GRIP1: variants seen among roughly 807,000 people sequenced by gnomAD.
The protein encoded by GRIP1 is glutamate receptor-interacting protein 1.
Under a neutral mutation model 129.9 loss-of-function variants are expected in GRIP1, and 45 were observed. The observed-to-expected ratio is 0.35, with a 90% CI of 0.27 to 0.44. GRIP1 has a LOEUF of 0.44. Ranked by LOEUF, GRIP1 falls within the 20% of genes least tolerant of loss-of-function variation. GRIP1 has a pLI of 1.00. For synonymous variants in GRIP1, 530 were observed against 520.8 expected (o/e 1.02, Z -0.24); for missense variants, 1,196 against 1,396.8 (o/e 0.86, Z 2.29).
upstream of GRIP1, among the ~76,000 whole-genome samples, chr12:66,681,510 A>G (rs1212889773): frequency 6.6e-6 from 1 of 152,184 alleles, no homozygotes; most frequent in African/African-American, 2.4e-5. Context: ...AACATGAGCT[A>G]CTACAAGGCA....
At chr12:66,640,613 T>C (rs1257252670) in intron 1 of GRIP1, among the ~76,000 whole-genome samples, 6 of 152,310 alleles carry the variant, frequency 3.9e-5, no homozygotes, top group South Asian at 2.1e-4. Context: ...TCAACAGTTA[T>C]GATTTTTCAT....
At position 66,377,200 on chromosome 12, in the gene GRIP1, G is replaced by C; in HGVS notation, c.2707C>G (p.Gln903Glu). ...TCCAGTTCTCTCAGAATTCCTGACT[G>C]TCCGCAGGTTTCCAAATCCTCCAGC... ...QALEDLETCG[Q>E]SGILRELEEK... Residue 903 changes from glutamine to glutamate, a missense_variant, in exon 21 of 25, where the codon CAG (glutamine) becomes GAG (glutamate). Transcript: ENST00000359742. 6.2e-7 allele frequency: 1 copy of C among 1,611,846 alleles called. No individual in the cohort carries two copies. The highest frequency in any genetic ancestry group is 8.5e-7 in the Non-Finnish European group (1 of 1,177,912).
chr12:66,981,365 T>A lies in GRIP1; in HGVS notation c.58+87685A>T, dbSNP rs180674544. Among the ~76,000 whole-genome samples the A allele has an allele frequency of 3.4e-4, 52 of 152,354 alleles. No homozygotes were observed. In the East Asian group the frequency reaches 9.6e-3, roughly 28 times the overall value. On this transcript the variant is annotated intron_variant, in intron 1 of 1. Coordinates refer to the GRIP1 transcript ENST00000643019. ...TTAATTTCAAAACTACATTTTTACA[T>A]CTGTCTCCCTCAGAGCAACTTCCTT... is the stretch of plus-strand genomic sequence containing the variant.
rs187482537 is a variant in GRIP1 at position 66,405,793 on chromosome 12, T to C, written c.1984+490A>G. ...TGCATAAAGATGTCTATAAGAGTAC[T>C]ATTTACAATAATGAAACAATTGGAA... On this transcript the variant is annotated intron_variant, in intron 16 of 24. Transcript: ENST00000359742. 1.8e-4 allele frequency among the ~76,000 whole-genome samples: 28 copies of C among 152,324 alleles called. No individual in the cohort carries two copies. In the East Asian group the frequency reaches 3.5e-3, roughly 19 times the overall value.
chr12:66,579,650 G>C (rs183099935), intron 2 of GRIP1, among the ~76,000 whole-genome samples: 45 of 152,152 alleles, frequency 3.0e-4, no homozygotes, highest in African/African-American at 1.1e-3. Flanking sequence ...TGGAAGAAAG[G>C]GTATCAGCAA....
chr12:66,768,974 G>A (rs1017994100), intron 1 of GRIP1, among the ~76,000 whole-genome samples: 1 of 152,142 alleles, frequency 6.6e-6, no homozygotes, highest in Non-Finnish European at 1.5e-5. Context: ...AGAACCAATG[G>A]TATGGGATTC....
At chr12:66,370,527 G>A (rs1031667210) in intron 23 of GRIP1, among the ~76,000 whole-genome samples, 2 of 152,148 alleles carry the variant, frequency 1.3e-5, no homozygotes, top group African/African-American at 4.8e-5. Flanking sequence ...GGAAAAAAGC[G>A]AGTAGCTAGC....
rs759500891 is a variant in GRIP1, at chr12:66,392,483, G to C, written c.2289C>G (p.Pro763=). Reference sequence around the variant, plus strand: ...AATGGCTAGAAATAGGGAACTTCTTGGGGCTCGATGCTGACTGGGCTTTAT... The same window carrying C: ...AATGGCTAGAAATAGGGAACTTCTTCGGGCTCGATGCTGACTGGGCTTTAT... ...KQTDAQSASS[P]KKFPISSHLS... The change falls in exon 19 of 25, where the codon CCC becomes CCG. Residue 763 remains proline (P), a synonymous_variant. Coordinates refer to ENST00000359742, the MANE Select transcript of GRIP1 (RefSeq NM_001366722.1). The C allele has an allele frequency of 9.9e-6, 16 of 1,614,068 alleles. No individual in the cohort carries two copies. Among genetic ancestry groups the C allele is most frequent in the Non-Finnish European group, 1.4e-5 (16 of 1,179,928 alleles).
upstream of GRIP1, among the ~76,000 whole-genome samples, chr12:66,808,442 C>T (rs1055168226): frequency 3.3e-5 from 5 of 152,032 alleles, no homozygotes; most frequent in African/African-American, 4.8e-5. Flanking sequence ...GGATTACAGG[C>T]GCCTGCCACC....
chr12:66,473,903 A>G (rs927288758), intron 7 of GRIP1, among the ~76,000 whole-genome samples: 1 of 152,186 alleles, frequency 6.6e-6, no homozygotes, highest in Non-Finnish European at 1.5e-5. Context: ...CTAAAAATTC[A>G]AAAACCGGAA....
At chr12:66,859,258 TG>T (rs2040059913) in intron 1 of GRIP1, among the ~76,000 whole-genome samples, 5 of 45,768 alleles carry the variant, frequency 1.1e-4, no homozygotes, top group Admixed American at 3.7e-4. Context: ...CCACATTTTC[TG>T]AAAAAAAACA....
At chr12:66,467,347 G>A (rs1322995011) in intron 7 of GRIP1, among the ~76,000 whole-genome samples, 3 of 152,152 alleles carry the variant, frequency 2.0e-5, no homozygotes, top group African/African-American at 7.2e-5. Flanking sequence ...CTGATCTCCT[G>A]ACATCAGACT....
chr12:66,923,772 T>C (rs145726175), intron 1 of GRIP1, among the ~76,000 whole-genome samples: 148 of 152,292 alleles, frequency 9.7e-4, no homozygotes, highest in African/African-American at 2.9e-3. Flanking sequence ...TCCTCATCTA[T>C]AAAATGGGAG....
intron 1 of GRIP1, among the ~76,000 whole-genome samples, chr12:66,895,399 A>G (rs1424342187): frequency 2.0e-5 from 3 of 152,176 alleles, no homozygotes; most frequent in Admixed American, 1.3e-4. Context: ...GCCTTCCACC[A>G]TGATTGTGAG....
At chr12:66,786,963 G>A (rs1056548420) in intron 1 of GRIP1, among the ~76,000 whole-genome samples, 1 of 152,144 alleles carries the variant, frequency 6.6e-6, no homozygotes, top group African/African-American at 2.4e-5. Flanking sequence ...ACCTGAAAGT[G>A]GGGGTGCAGA....
intron 16 of GRIP1, among the ~76,000 whole-genome samples, chr12:66,404,102 C>T (rs1007542262): frequency 1.3e-5 from 2 of 152,184 alleles, no homozygotes; most frequent in Non-Finnish European, 2.9e-5. Context: ...GAAAGTGCAA[C>T]TGAAGCAGGC....
At chr12:66,836,605 A>G (rs1458352117) in intron 1 of GRIP1, among the ~76,000 whole-genome samples, 1 of 152,210 alleles carries the variant, frequency 6.6e-6, no homozygotes, top group African/African-American at 2.4e-5. Flanking sequence ...AGGCTTACAC[A>G]TATCTTTTAA....
chr12:66,458,076 T>C (rs2059020384), intron 9 of GRIP1, among the ~76,000 whole-genome samples: 4 of 152,208 alleles, frequency 2.6e-5, no homozygotes, highest in Admixed American at 2.6e-4. Flanking sequence ...CTCAACAAAT[T>C]TCACTCGTTG....
rs966755752 is a variant in GRIP1, at chr12:66,361,411, T to C, written c.3013-7848A>G. Among the ~76,000 whole-genome samples the C allele has an allele frequency of 2.6e-5, 4 of 152,176 alleles. 1 individual carries two copies. In the South Asian group the frequency reaches 8.3e-4, roughly 31 times the overall value. On this transcript the variant is annotated intron_variant, in intron 23 of 24. Coordinates refer to ENST00000359742, the MANE Select transcript of GRIP1 (RefSeq NM_001366722.1). Reference sequence around the variant, plus strand: ...GGGGCTACCCTGGCCCTTGGGGAGCTGAGTCCCAACCAAAAAAGTTACACA... The same window carrying C: ...GGGGCTACCCTGGCCCTTGGGGAGCCGAGTCCCAACCAAAAAAGTTACACA...
Sources: gnomAD v4.1 joint callset for allele counts (sites outside exome capture counted in the v4.1 genomes callset) on GRCh38, gnomAD v4.1.1 for gene constraint, MANE v1.5 for transcripts, NCBI Gene and HGNC (gene_info 2026-07-23, HGNC 2026-07-21) for gene names.